Variants in DNAJB12 observed in about 807,000 individuals in gnomAD.
The protein encoded by DNAJB12 is dnaJ homolog subfamily B member 12.
In DNAJB12, 14 loss-of-function variants were observed where a neutral mutation model predicts 40.6. The observed-to-expected ratio is 0.34, with a 90% CI of 0.23 to 0.54. The LOEUF (loss-of-function observed/expected upper bound fraction) is 0.54, where lower values mean the gene tolerates loss of function less well. Among genes scored for constraint, DNAJB12 ranks in the 20% least tolerant of loss-of-function variants. The pLI, the probability that DNAJB12 is intolerant of heterozygous loss-of-function variation, is 0.92. For synonymous variants in DNAJB12, 181 were observed against 199.5 expected, an observed-to-expected ratio of 0.91 and a Z score of 0.78; for missense variants, 444 against 501.7, an observed-to-expected ratio of 0.89 and a Z score of 1.10.
At chr10:72,343,834 C>T (rs1455734247) in intron 2 of DNAJB12, among the ~76,000 whole-genome samples, 1 of 151,786 alleles carries the variant, frequency 6.6e-6, no homozygotes, top group African/African-American at 2.4e-5. Context: ...CGGTGTCCAT[C>T]ACCCAGGGTG....
Position 72,336,611 on chromosome 10 carries a change from C to T in DNAJB12, c.919G>A (p.Gly307Ser), listed in dbSNP as rs1861483653. Residue 307 changes from glycine to serine, a missense_variant, in exon 7 of 9, where the codon GGC becomes AGC. Transcript: ENST00000444643. The part of the protein sequence containing the change: ...VGDTFSEEYT[G>S]SSLKTVERNV... The stretch of plus-strand genomic sequence containing the variant: ...CGCTCGACTGTTTTGAGGCTGGAGC[C>T]TGTGTACTCTTCGGAGAAAGTGTCT... The T allele has an allele frequency of 6.2e-7, 1 of 1,614,082 alleles. No homozygotes were observed. The highest frequency in any genetic ancestry group is 8.5e-7 in the Non-Finnish European group (1 of 1,180,030).
intron 1 of DNAJB12, among the ~76,000 whole-genome samples, chr10:72,348,355 G>A (rs142660242): frequency 3.3e-5 from 5 of 152,300 alleles, no homozygotes; most frequent in South Asian, 2.1e-4. Flanking sequence ...GGGCCCCAGC[G>A]CCCTGGGTAG....
intron 3 of DNAJB12, 40 bp from the exon 4 acceptor site, chr10:72,341,210 G>A (rs766025466): frequency 6.3e-7 from 1 of 1,575,334 alleles, no homozygotes; most frequent in Non-Finnish European, 8.7e-7. Context: ...AGGATCCTGG[G>A]GTGCGGGGGG....
intron 5 of DNAJB12, among the ~76,000 whole-genome samples, chr10:72,339,244 A>C (rs1159418805): frequency 6.7e-6 from 1 of 149,260 alleles, no homozygotes; most frequent in East Asian, 1.9e-4. Context: ...GTCTCAAAAA[A>C]AAAAAAAAAA....
At chr10:72,342,120 T>C (rs1402445880) in intron 3 of DNAJB12, among the ~76,000 whole-genome samples, 2 of 152,198 alleles carry the variant, frequency 1.3e-5, no homozygotes. Context: ...CGGGGCTCTA[T>C]GGAGACTCCT....
chr10:72,352,720 G>C (rs1292065848), intron 1 of DNAJB12, among the ~76,000 whole-genome samples: 1 of 152,042 alleles, frequency 6.6e-6, no homozygotes, highest in Non-Finnish European at 1.5e-5. Context: ...TAGATTATAA[G>C]CTCTTTTGAG....
chr10:72,335,578 G>T lies in DNAJB12; in HGVS notation c.*30+202C>A. 7.4e-7 allele frequency: 1 copy of T among 1,359,884 alleles called. No homozygotes were observed. Among genetic ancestry groups the T allele is most frequent in the Non-Finnish European group, 9.5e-7 (1 of 1,052,810 alleles). The allele number at this position is 1,359,884 out of a possible 1,614,324, so 84.2% of individuals were successfully genotyped here. A position where few individuals can be genotyped will look rare whatever the true frequency, so the allele number is the denominator to read the frequency against. On this transcript the variant is annotated intron_variant, in intron 8 of 8. Transcript: ENST00000444643. This position sits in a 1 kb window ranked among gnomAD's most constrained non-coding sequence, Gnocchi z 4.4. The stretch of plus-strand genomic sequence containing the variant: ...GCAGAGCGGAGGAGTGGGGAGGACA[G>T]CATCGCTAGAGGGCGGAAACCGACC...
Position 72,336,573 on chromosome 10 carries a change from A to T in DNAJB12, c.957T>A (p.Asp319Glu). 1.2e-6 allele frequency: 2 copies of T among 1,614,074 alleles called. No individual in the cohort carries two copies. Among genetic ancestry groups the T allele is most frequent in the Non-Finnish European group, 1.7e-6 (2 of 1,179,980 alleles). Residue 319 changes from aspartate to glutamate, a missense_variant, in exon 7 of 9, where the codon GAT (aspartate) becomes GAA (glutamate). By Grantham distance (45) the Asp-to-Glu change is conservative. Coordinates refer to ENST00000444643, the MANE Select transcript of DNAJB12 (RefSeq NM_017626.7). Reference protein sequence around the residue: ...SLKTVERNVEDDYIANLRNNC... With the variant: ...SLKTVERNVEEDYIANLRNNC... ...TGTTCCGGAGGTTGGCGATATAATC[A>T]TCTTCCACATTCCGCTCGACTGTTT...
chr10:72,339,438 A>G (rs1402388513), intron 5 of DNAJB12, among the ~76,000 whole-genome samples: 2 of 151,856 alleles, frequency 1.3e-5, no homozygotes, highest in African/African-American at 2.4e-5. Context: ...GGAGCCTGAG[A>G]CAGGAGAATC....
intron 2 of DNAJB12, 82 bp downstream of exon 2, chr10:72,344,868 G>A (rs1861737593): frequency 3.3e-5 from 51 of 1,529,176 alleles, no homozygotes; most frequent in Non-Finnish European, 4.6e-5. Context: ...CCCACAGGCA[G>A]ATGGGAGGTG....
intron 1 of DNAJB12, among the ~76,000 whole-genome samples, chr10:72,346,011 G>A (rs888627692): frequency 6.6e-6 from 1 of 151,646 alleles, no homozygotes; most frequent in Non-Finnish European, 1.5e-5. Flanking sequence ...GGATAAATCT[G>A]TAGTAATTGC....
At chr10:72,339,363 G>A (rs1379669978) in intron 5 of DNAJB12, among the ~76,000 whole-genome samples, 1 of 150,180 alleles carries the variant, frequency 6.7e-6, no homozygotes, top group Admixed American at 6.6e-5. Flanking sequence ...GTGAAACCCC[G>A]TCTCTACTAA....
intron 6 of DNAJB12, among the ~76,000 whole-genome samples, chr10:72,337,793 G>A (rs767668099): frequency 2.6e-5 from 4 of 152,240 alleles, no homozygotes; most frequent in East Asian, 3.9e-4. Context: ...GAGGTTCTTC[G>A]TCAGGGTTGG....
rs766542970 is a variant in DNAJB12, at chr10:72,344,912, C to T, written c.311+38G>A. 1.9e-6 allele frequency: 3 copies of T among 1,611,986 alleles called. No homozygotes were observed. In the South Asian group the frequency reaches 3.3e-5, roughly 18 times the overall value. On this transcript the variant is annotated intron_variant, in intron 2 of 8. Coordinates refer to ENST00000444643, the MANE Select transcript of DNAJB12 (RefSeq NM_017626.7). ...GCTCCAGGAAGCCTCTAGATTTCCC[C>T]AGTCTCCCCAGGCTCCAGCCCCTGC...
chr10:72,344,111 C>T (rs902733370), intron 2 of DNAJB12, among the ~76,000 whole-genome samples: 2 of 152,060 alleles, frequency 1.3e-5, no homozygotes, highest in African/African-American at 2.4e-5. Context: ...GACTGTTCAC[C>T]GCAAGCACAG....
Position 72,343,439 on chromosome 10 carries a change from C to T in DNAJB12, c.384G>A (p.Lys128=). Residue 128 remains lysine, a synonymous_variant, in exon 3 of 9, where the codon AAG becomes AAA. Coordinates refer to ENST00000444643, the MANE Select transcript of DNAJB12 (RefSeq NM_017626.7). ...SRGASDEDLK[K]AYRRLALKFH... Reference sequence around the variant, plus strand: ...ATTTGAGGGCCAGTCTGCGGTAGGCCTTCTTCAGGTCCTCATCCGAGGCCC... The same window carrying T: ...ATTTGAGGGCCAGTCTGCGGTAGGCTTTCTTCAGGTCCTCATCCGAGGCCC... The T allele has an allele frequency of 1.2e-6, 2 of 1,614,188 alleles. No homozygotes were observed.
rs1027765050 is a variant in DNAJB12, at chr10:72,350,035, C to T, written c.133+4730G>A. ...AGGAAGGGAATTCGATAGAAGAGAA[C>T]AGAGCTGCGGTGGAGAGGCACCTGA... On this transcript the variant is annotated intron_variant, in intron 1 of 8. Transcript: ENST00000444643. Among the ~76,000 whole-genome samples, 8 of 152,136 alleles carry T rather than the reference C, an allele frequency of 5.3e-5. No individual in the cohort carries two copies. In the South Asian group the frequency reaches 6.2e-4, roughly 12 times the overall value.
chr10:72,338,358 G>A, intron 5 of DNAJB12, 47 bp from the exon 6 acceptor site: 2 of 1,545,816 alleles, frequency 1.3e-6, no homozygotes, highest in Non-Finnish European at 1.8e-6. Flanking sequence ...GGTGGGGTGT[G>A]GTGTCAGCCA....
rs1228282219 is a variant in DNAJB12, at chr10:72,335,558, G to A, written c.*30+222C>T. On this transcript the variant is annotated intron_variant, in intron 8 of 8. Coordinates refer to ENST00000444643, the MANE Select transcript of DNAJB12 (RefSeq NM_017626.7). This position sits in a 1 kb window ranked among gnomAD's most constrained non-coding sequence, Gnocchi z 4.4. ...CACACCCCTGGAGCCAGGGAGCAGA[G>A]CGGAGGAGTGGGGAGGACAGCATCG... 9 of 1,320,134 alleles carry A rather than the reference G, an allele frequency of 6.8e-6. No individual in the cohort carries two copies. The highest frequency in any genetic ancestry group is 3.0e-5 in the African/African-American group (2 of 66,626). 81.8% of individuals were successfully genotyped at this position (1,320,134 alleles called of 1,614,324 possible). A position where few individuals can be genotyped will look rare whatever the true frequency, so the allele number is the denominator to read the frequency against.
Sources: gnomAD v4.1 joint callset for allele counts (sites outside exome capture counted in the v4.1 genomes callset) on GRCh38, gnomAD v4.1.1 for gene constraint, Gnocchi (gnomAD v3.1) non-coding constraint, MANE v1.5 for transcripts, NCBI Gene and HGNC (gene_info 2026-07-23, HGNC 2026-07-21) for gene names.